The following ADIPOR2 variants were observed in gnomAD, a reference collection of about 807,000 sequenced individuals.
The protein encoded by ADIPOR2 is adiponectin receptor protein 2.
Under a neutral mutation model 40.9 loss-of-function variants are expected in ADIPOR2, and 18 were observed. The ratio of observed to expected loss-of-function variants is 0.44; its 90% CI spans 0.30 to 0.65. The LOEUF (loss-of-function observed/expected upper bound fraction) is 0.65, where lower values mean the gene tolerates loss of function less well. Ranked by LOEUF, ADIPOR2 falls within the 30% of genes least tolerant of loss-of-function variation. The probability of loss-of-function intolerance (pLI) is 0.09; values close to 1 mark genes in which losing one functional copy is unlikely to be tolerated. For missense variants in ADIPOR2, 283 were observed against 479.2 expected, an observed-to-expected ratio of 0.59 and a Z score of 3.82; for synonymous variants, 165 against 166.4, an observed-to-expected ratio of 0.99 and a Z score of 0.06.
intron 1 of ADIPOR2, among the ~76,000 whole-genome samples, chr12:1,718,241 A>G (rs2094691512): frequency 6.6e-6 from 1 of 152,110 alleles, no homozygotes; most frequent in Non-Finnish European, 1.5e-5. Context: ...GATGGTATAA[A>G]GTGACTCTTA....
At chr12:1,781,133 C>A in intron 6 of ADIPOR2, 57 bp downstream of exon 6, 1 of 1,449,648 alleles carries the variant, frequency 6.9e-7, no homozygotes, top group Non-Finnish European at 9.2e-7. Flanking sequence ...GTTAAATTCA[C>A]TATTTATTAA....
chr12:1,749,892 A>G (rs895372719), intron 1 of ADIPOR2, among the ~76,000 whole-genome samples: 1 of 142,346 alleles, frequency 7.0e-6, no homozygotes, highest in African/African-American at 2.7e-5. Context: ...GCTGGAGTGC[A>G]GTGGTGTCAT....
chr12:1,707,561 C>T (rs114747674), intron 1 of ADIPOR2, among the ~76,000 whole-genome samples: 4,165 of 152,194 alleles, frequency 0.027, 114 homozygotes, highest in African/African-American at 0.072. Flanking sequence ...ACTTCCCAGG[C>T]TCAAGGAATC....
intron 2 of ADIPOR2, chr12:1,757,590 C>A: frequency 8.5e-7 from 1 of 1,173,802 alleles, no homozygotes; most frequent in Non-Finnish European, 1.3e-6. Context: ...GCGGATGGTG[C>A]CGGGCATCAT....
At chr12:1,705,154 G>T (rs1040582495) in intron 1 of ADIPOR2, among the ~76,000 whole-genome samples, 1 of 152,154 alleles carries the variant, frequency 6.6e-6, no homozygotes, top group South Asian at 2.1e-4. Flanking sequence ...TGCCTGAAAG[G>T]TTAACTGTAC....
intron 3 of ADIPOR2, among the ~76,000 whole-genome samples, chr12:1,777,486 A>G (rs1298947832): frequency 6.7e-6 from 1 of 148,724 alleles, no homozygotes; most frequent in Non-Finnish European, 1.5e-5. Flanking sequence ...TCCCGGGTTC[A>G]AGCAATTCTC....
intron 1 of ADIPOR2, among the ~76,000 whole-genome samples, chr12:1,749,445 T>C (rs888003995): frequency 6.6e-6 from 1 of 152,172 alleles, no homozygotes; most frequent in Non-Finnish European, 1.5e-5. Flanking sequence ...AAGACTGGAA[T>C]AAAGGCTATG....
chr12:1,780,364 T>C, intron 4 of ADIPOR2, 87 bp from the exon 5 acceptor site: 1 of 1,294,228 alleles, frequency 7.7e-7, no homozygotes, highest in Non-Finnish European at 1.0e-6. Context: ...ATTGTTGTAA[T>C]GCAGAAGGAT....
intron 1 of ADIPOR2, among the ~76,000 whole-genome samples, chr12:1,708,980 A>C (rs2094669846): frequency 1.3e-5 from 2 of 152,124 alleles, no homozygotes; most frequent in Non-Finnish European, 2.9e-5. Context: ...TATACCTCCC[A>C]AAGTGCTGGA....
intron 1 of ADIPOR2, among the ~76,000 whole-genome samples, chr12:1,711,157 G>A (rs927307613): frequency 6.6e-6 from 1 of 152,162 alleles, no homozygotes; most frequent in Non-Finnish European, 1.5e-5. Context: ...TCTAGGCCTT[G>A]GCGGTTTTGG....
At chr12:1,763,341 A>G (rs112790748) in intron 2 of ADIPOR2, among the ~76,000 whole-genome samples, 4 of 152,324 alleles carry the variant, frequency 2.6e-5, no homozygotes, top group African/African-American at 9.6e-5. Flanking sequence ...ATCAGGGTAA[A>G]GCTGGGCCTA....
intron 1 of ADIPOR2, among the ~76,000 whole-genome samples, chr12:1,711,215 A>C (rs746062332): frequency 6.6e-6 from 1 of 152,152 alleles, no homozygotes; most frequent in Non-Finnish European, 1.5e-5. Context: ...GAGGAAGGAT[A>C]GATTTTGTTA....
At chr12:1,705,521 T>C (rs1474406912) in intron 1 of ADIPOR2, among the ~76,000 whole-genome samples, 2 of 152,226 alleles carry the variant, frequency 1.3e-5, no homozygotes, top group East Asian at 1.9e-4. Context: ...CAAAACATTG[T>C]ATAAAATTAC....
chr12:1,785,468 CAGAG>C (rs1862807606), intron 7 of ADIPOR2, among the ~76,000 whole-genome samples: 1 of 152,232 alleles, frequency 6.6e-6, no homozygotes, highest in Non-Finnish European at 1.5e-5. Context: ...GTTTTTCTAA[CAGAG>C]AGCAACATTT....
At chr12:1,779,245 A>G (rs973065978) in intron 4 of ADIPOR2, among the ~76,000 whole-genome samples, 1 of 152,260 alleles carries the variant, frequency 6.6e-6, no homozygotes, top group African/African-American at 2.4e-5. Flanking sequence ...ATTATTCATA[A>G]TAGCTAAAAA....
At chr12:1,729,735 C>T (rs1389967116) in intron 1 of ADIPOR2, among the ~76,000 whole-genome samples, 1 of 151,086 alleles carries the variant, frequency 6.6e-6, no homozygotes, top group Non-Finnish European at 1.5e-5. Flanking sequence ...CCCAAAAGCC[C>T]TCTCTTAATC....
chr12:1,716,144 G>A (rs189103237), intron 1 of ADIPOR2, among the ~76,000 whole-genome samples: 94 of 152,282 alleles, frequency 6.2e-4, no homozygotes, highest in African/African-American at 2.1e-3. Context: ...AACCAACTCC[G>A]CACACATAAA....
chr12:1,728,411 A>G (rs896102968), intron 1 of ADIPOR2, among the ~76,000 whole-genome samples: 2 of 151,676 alleles, frequency 1.3e-5, no homozygotes, highest in African/African-American at 2.4e-5. Context: ...ACCTGGCCTC[A>G]TGCAGAGCTT....
chr12:1,769,378 C>T (rs1438319876), intron 2 of ADIPOR2, among the ~76,000 whole-genome samples: 3 of 152,248 alleles, frequency 2.0e-5, no homozygotes, highest in East Asian at 1.9e-4. Context: ...ACGTGGATAC[C>T]GCATTAGCAA....
Sources: gnomAD v4.1 joint callset for allele counts (sites outside exome capture counted in the v4.1 genomes callset) on GRCh38, gnomAD v4.1.1 for gene constraint, MANE v1.5 for transcripts, NCBI Gene and HGNC (gene_info 2026-07-23, HGNC 2026-07-21) for gene names.